The following MGST1 variants were observed in gnomAD, a reference collection of about 807,000 sequenced individuals.
MGST1 encodes the protein microsomal glutathione S-transferase 1.
A neutral mutation model predicts 8.9 loss-of-function variants in MGST1; 5 were observed. The ratio of observed to expected loss-of-function variants is 0.56; its 90% confidence interval spans 0.29 to 1.19. The LOEUF (loss-of-function observed/expected upper bound fraction) is 1.19. MGST1 is among the 50% of genes most tolerant of loss of function. MGST1 has a pLI of 0.08. For synonymous variants in MGST1, 54 were observed against 67.8 expected, an observed-to-expected ratio of 0.80 and a Z score of 1.00; for missense variants, 182 against 187.4, an observed-to-expected ratio of 0.97 and a Z score of 0.17.
At chr12:16,433,008 A>C (rs1940952909) in intron 1 of MGST1, among the ~76,000 whole-genome samples, 1 of 152,044 alleles carries the variant, frequency 6.6e-6, no homozygotes, top group Non-Finnish European at 1.5e-5. Context: ...ATAGATGTGT[A>C]TATAAAGGGG....
At chr12:16,491,397 AG>A (rs1555107254) in intron 4 of MGST1, among the ~76,000 whole-genome samples, 2 of 152,190 alleles carry the variant, frequency 1.3e-5, no homozygotes, top group Non-Finnish European at 2.9e-5. Context: ...ACATAGAAAA[AG>A]AATGGTATAG....
Position 16,458,315 on chromosome 12 carries a change from C to T in MGST1, n.482+74711C>T, listed in dbSNP as rs1293604364. ...GGGTCAGCAGATTGCTTATGCTGAT[C>T]GCAATGATTTGAAGTTGTGATTACC... On this transcript the variant is annotated intron_variant and non_coding_transcript_variant, in intron 4 of 4. Coordinates refer to the MGST1 transcript ENST00000538857. The surrounding 1 kb of genome is among the most constrained non-coding windows in gnomAD (Gnocchi z 4.0). Among the ~76,000 whole-genome samples the T allele has an allele frequency of 1.3e-5, 2 of 151,942 alleles. No individual in the cohort carries two copies. Among genetic ancestry groups the T allele is most frequent in the Non-Finnish European group, 2.9e-5 (2 of 67,968 alleles).
intron 4 of MGST1, among the ~76,000 whole-genome samples, chr12:16,463,025 CT>C (rs1200820292): frequency 6.6e-6 from 1 of 152,084 alleles, no homozygotes; most frequent in East Asian, 1.9e-4. Context: ...TCTTGAAGAT[CT>C]TCTAATCTAA....
At chr12:16,591,623 G>C (rs1405624055), downstream of MGST1, among the ~76,000 whole-genome samples, 1 of 152,034 alleles carries the variant, frequency 6.6e-6, no homozygotes, top group African/African-American at 2.4e-5. This position sits in a 1 kb window ranked among gnomAD's most constrained non-coding sequence, Gnocchi z 4.1. Flanking sequence ...GAATGGGGAT[G>C]ATTGTTTTGC....
At chr12:16,375,624 C>T (rs1940367378) in intron 3 of MGST1, among the ~76,000 whole-genome samples, 1 of 151,836 alleles carries the variant, frequency 6.6e-6, no homozygotes, top group Admixed American at 6.6e-5. Flanking sequence ...GTAATTATAT[C>T]AGCATCACTG....
In MGST1 at chr12:16,413,515, A is replaced by G. The variant is rs1194441822; in HGVS notation, n.779-23873A>G. On this transcript the variant is annotated intron_variant and non_coding_transcript_variant, in intron 1 of 1. Transcript: ENST00000359720. The surrounding 1 kb of genome is among the most constrained non-coding windows in gnomAD (Gnocchi z 4.0). ...TATGGAGTTGAAAGAGAATTCTCCCAGCATCCGTATCTGGATTGAAAGGGT... is the reference window on the plus strand; with the variant it reads ...TATGGAGTTGAAAGAGAATTCTCCCGGCATCCGTATCTGGATTGAAAGGGT... Among the ~76,000 whole-genome samples the G allele has an allele frequency of 6.6e-6, 1 of 152,136 alleles. No homozygotes were observed. The highest frequency in any genetic ancestry group is 1.5e-5 in the Non-Finnish European group (1 of 68,016).
chr12:16,347,202 A>T (rs1428600476), upstream of MGST1: 1 of 152,218 alleles, frequency 6.6e-6, no homozygotes, highest in Admixed American at 6.5e-5. This position sits in a 1 kb window ranked among gnomAD's most constrained non-coding sequence, Gnocchi z 4.0. Flanking sequence ...ATCTTTACTG[A>T]GGGTTACATT....
At chr12:16,572,339 C>CTTTTTTTTTTTTTTTTTTTTTT (rs59773866) in intron 4 of MGST1, among the ~76,000 whole-genome samples, 2 of 89,530 alleles carry the variant, frequency 2.2e-5, no homozygotes, top group Non-Finnish European at 4.2e-5. Context: ...GGTCCAAACT[C>CTTTTTTTTTTTTTTTTTTTTTT]TTTTTTTTTT....
At chr12:16,570,079 C>G (rs559771874) in intron 4 of MGST1, among the ~76,000 whole-genome samples, 16 of 152,208 alleles carry the variant, frequency 1.1e-4, no homozygotes, top group African/African-American at 3.6e-4. Flanking sequence ...CTAGTTTCAG[C>G]CACAGTACAA....
At chr12:16,357,448 T>G in intron 2 of MGST1, 157 bp from the exon 3 acceptor site, 1 of 568,984 alleles carries the variant, frequency 1.8e-6, no homozygotes, top group Non-Finnish European at 3.1e-6. Flanking sequence ...TTAAAAAAAT[T>G]TGTAGATATG....
chr12:16,445,115 C>CT (rs976920892), intron 4 of MGST1, among the ~76,000 whole-genome samples: 73 of 151,666 alleles, frequency 4.8e-4, no homozygotes, highest in African/African-American at 1.7e-3. Flanking sequence ...GGCTTGCTGT[C>CT]TAGCCCTTTT....
Position 16,401,249 on chromosome 12 carries a change from T to TC in MGST1, n.778+17649dup. 1 of 1,567,784 alleles carries TC rather than the reference T, an allele frequency of 6.4e-7. No homozygotes were observed. Among genetic ancestry groups the TC allele is most frequent in the Non-Finnish European group, 8.8e-7 (1 of 1,140,444 alleles). Reference sequence around the variant, plus strand: ...GCATAGGTTTTCTCTTCTGGCTTTTTCCCCTCCTTGTTAGTCAGGTCTGAG... The same window carrying TC: ...GCATAGGTTTTCTCTTCTGGCTTTTTCCCCCTCCTTGTTAGTCAGGTCTGAG... On this transcript the variant is annotated intron_variant and non_coding_transcript_variant, in intron 1 of 1. Transcript: ENST00000359720. This position sits in a 1 kb window ranked among gnomAD's most constrained non-coding sequence, Gnocchi z 4.3.
chr12:16,347,280 A>AGG (rs1939245450), upstream of MGST1: 2 of 152,226 alleles, frequency 1.3e-5, no homozygotes, highest in African/African-American at 2.4e-5. This position sits in a 1 kb window ranked among gnomAD's most constrained non-coding sequence, Gnocchi z 4.0. Flanking sequence ...AAGGGAAGGT[A>AGG]ATATTGTCAA....
In MGST1 at chr12:16,389,826, T is replaced by TA. The variant is rs1940534914; in HGVS notation, n.778+6223dup. ...ATGAGATCTCTCGGTAGAGGCAAAA[T>TA]AGAGTGATGAGAGCCAGAAGCACTG... On this transcript the variant is annotated intron_variant and non_coding_transcript_variant, in intron 1 of 1. Coordinates refer to the MGST1 transcript ENST00000359720. This position sits in a 1 kb window ranked among gnomAD's most constrained non-coding sequence, Gnocchi z 4.6. Among the ~76,000 whole-genome samples the TA allele has an allele frequency of 6.6e-6, 1 of 151,746 alleles. No homozygotes were observed. The highest frequency in any genetic ancestry group is 2.4e-5 in the African/African-American group (1 of 41,294).
chr12:16,374,120 G>A (rs569440511), intron 3 of MGST1, among the ~76,000 whole-genome samples: 8 of 152,168 alleles, frequency 5.3e-5, no homozygotes, highest in East Asian at 1.9e-4. Context: ...TCTCAGAAAC[G>A]GTAGCTAAAA....
chr12:16,373,641 A>C (rs957269446), intron 3 of MGST1, among the ~76,000 whole-genome samples: 1 of 152,048 alleles, frequency 6.6e-6, no homozygotes, highest in African/African-American at 2.4e-5. Flanking sequence ...TATACAATTG[A>C]ATAAAAAGCA....
chr12:16,524,946 C>T (rs995039594), intron 4 of MGST1, among the ~76,000 whole-genome samples: 1 of 152,020 alleles, frequency 6.6e-6, no homozygotes, highest in Non-Finnish European at 1.5e-5. Flanking sequence ...ATCTAATCCC[C>T]ATTGTAATCC....
chr12:16,492,670 C>T (rs1012586737), intron 4 of MGST1, among the ~76,000 whole-genome samples: 2 of 152,130 alleles, frequency 1.3e-5, no homozygotes, highest in African/African-American at 2.4e-5. Context: ...TCAAAATCAG[C>T]TACTGTCATA....
rs933462074 is a variant in MGST1 at position 16,551,982 on chromosome 12, A to G, written n.483-37546A>G. Among the ~76,000 whole-genome samples, 26 of 151,982 alleles carry G rather than the reference A, an allele frequency of 1.7e-4. 1 individual carries two copies. Among genetic ancestry groups the G allele is most frequent in the Non-Finnish European group, 1.5e-5 (1 of 67,862 alleles). ...GATGTCATTTCTTAGAGCACTTCCA[A>G]TTCAACCAAAGGGAGTAACCTAAAT... On this transcript the variant is annotated intron_variant and non_coding_transcript_variant, in intron 4 of 4. Coordinates refer to the MGST1 transcript ENST00000538857.
Sources: gnomAD v4.1 joint callset for allele counts (sites outside exome capture counted in the v4.1 genomes callset) on GRCh38, gnomAD v4.1.1 for gene constraint, Gnocchi (gnomAD v3.1) non-coding constraint, MANE v1.5 for transcripts, NCBI Gene and HGNC (gene_info 2026-07-23, HGNC 2026-07-21) for gene names.